RBMS3: variants seen among roughly 807,000 people sequenced by gnomAD.
The protein encoded by RBMS3 is RNA binding motif single stranded interacting protein 3, also known as RNA-binding motif, single-stranded-interacting protein 3.
A neutral mutation model predicts 66.8 loss-of-function variants in RBMS3; 27 were observed. The ratio of observed to expected loss-of-function variants is 0.40; its 90% confidence interval spans 0.30 to 0.56. RBMS3 has a LOEUF of 0.56. Ranked by LOEUF, RBMS3 falls within the 20% of genes least tolerant of loss-of-function variation. The pLI, the probability that RBMS3 is intolerant of heterozygous loss-of-function variation, is 0.40. For synonymous variants in RBMS3, 188 were observed against 183.0 expected (o/e 1.03, Z -0.22); for missense variants, 513 against 549.5 (o/e 0.93, Z 0.66).
chr3:29,376,608 T>TA (rs775941296), intron 1 of RBMS3, among the ~76,000 whole-genome samples: 5 of 151,338 alleles, frequency 3.3e-5, no homozygotes, highest in Non-Finnish European at 5.9e-5. Context: ...TCGTCTCTAC[T>TA]AAAAAATACA....
At chr3:29,794,478 C>T (rs539287678) in intron 6 of RBMS3, among the ~76,000 whole-genome samples, 2 of 151,930 alleles carry the variant, frequency 1.3e-5, no homozygotes, top group Admixed American at 6.6e-5. Context: ...CCCAGCTACT[C>T]GGGAGGCTGA....
chr3:29,640,660 A>G (rs1234742302), intron 4 of RBMS3, among the ~76,000 whole-genome samples: 1 of 152,028 alleles, frequency 6.6e-6, no homozygotes, highest in Non-Finnish European at 1.5e-5. Flanking sequence ...TAATGATTTT[A>G]CATTCATCTG....
chr3:29,789,816 T>C (rs1263512313), intron 6 of RBMS3, among the ~76,000 whole-genome samples: 2 of 152,226 alleles, frequency 1.3e-5, no homozygotes, highest in African/African-American at 2.4e-5. Flanking sequence ...GAGGAACATA[T>C]GATTTTCTGG....
intron 1 of RBMS3, among the ~76,000 whole-genome samples, chr3:29,291,888 G>A (rs2032847384): frequency 6.6e-6 from 1 of 151,746 alleles, no homozygotes; most frequent in African/African-American, 2.4e-5. Context: ...CCAGCCATAA[G>A]CCAAGTGTGA....
chr3:29,540,325 G>C (rs1223062799), intron 3 of RBMS3, among the ~76,000 whole-genome samples: 1 of 152,006 alleles, frequency 6.6e-6, no homozygotes, highest in Non-Finnish European at 1.5e-5. Context: ...TTTAAAATTT[G>C]TTTATATTTC....
intron 6 of RBMS3, among the ~76,000 whole-genome samples, chr3:29,770,829 C>A (rs1292119264): frequency 6.6e-6 from 1 of 151,884 alleles, no homozygotes; most frequent in Non-Finnish European, 1.5e-5. Context: ...CCAGGGAAAC[C>A]AAATTGAATA....
chr3:29,878,074 ATTAG>A (rs950742622), intron 7 of RBMS3, among the ~76,000 whole-genome samples: 2 of 152,052 alleles, frequency 1.3e-5, no homozygotes, highest in African/African-American at 4.8e-5. Flanking sequence ...ATCGTCAGGC[ATTAG>A]TTAGATTCTC....
At chr3:29,299,866 A>T (rs977541146) in intron 1 of RBMS3, among the ~76,000 whole-genome samples, 1 of 151,882 alleles carries the variant, frequency 6.6e-6, no homozygotes, top group Non-Finnish European at 1.5e-5. Context: ...ATAGCAGAAA[A>T]CCTACTACAA....
chr3:29,816,428 C>A lies in RBMS3; in HGVS notation c.638-52430C>A, dbSNP rs180784966. On this transcript the variant is annotated intron_variant, in intron 6 of 14. Coordinates refer to ENST00000383767, the MANE Select transcript of RBMS3 (RefSeq NM_001003793.3). Reference sequence around the variant, plus strand: ...CTGGGAAATGTAATCTGGTTGTATGCCCAAGAGAAACACAACACAGATGTT... The same window carrying A: ...CTGGGAAATGTAATCTGGTTGTATGACCAAGAGAAACACAACACAGATGTT... 2.0e-5 allele frequency among the ~76,000 whole-genome samples: 3 copies of A among 152,086 alleles called. No individual in the cohort carries two copies. In the East Asian group the frequency reaches 5.8e-4, roughly 29 times the overall value.
chr3:29,361,741 T>C (rs548655190), intron 1 of RBMS3, among the ~76,000 whole-genome samples: 1 of 152,214 alleles, frequency 6.6e-6, no homozygotes, highest in South Asian at 2.1e-4. Flanking sequence ...GAGGCTTTGC[T>C]TATTTCTTTT....
chr3:29,902,122 G>C (rs1448498959), intron 10 of RBMS3, among the ~76,000 whole-genome samples: 1 of 151,800 alleles, frequency 6.6e-6, no homozygotes, highest in Non-Finnish European at 1.5e-5. Flanking sequence ...CATTAGGACA[G>C]GAAACCCATT....
chr3:29,820,495 T>A (rs1393523686), intron 6 of RBMS3, among the ~76,000 whole-genome samples: 3 of 152,090 alleles, frequency 2.0e-5, no homozygotes, highest in Non-Finnish European at 4.4e-5. Flanking sequence ...TTATATGCTT[T>A]AACTTTGTTT....
chr3:29,884,452 CTCTCTCTCTCTCTCT>C (rs2059814092), intron 8 of RBMS3, among the ~76,000 whole-genome samples: 7 of 134,382 alleles, frequency 5.2e-5, no homozygotes, highest in Admixed American at 7.6e-5. Context: ...CTCTCTCTCT[CTCTCTCTCTCTCTCT>C]CTCCCCCCCC....
At chr3:29,575,684 A>C (rs189228713) in intron 3 of RBMS3, among the ~76,000 whole-genome samples, 1 of 151,874 alleles carries the variant, frequency 6.6e-6, no homozygotes, top group African/African-American at 2.4e-5. Flanking sequence ...AGCATGCTTC[A>C]TTGCTTTCTA....
At chr3:29,866,674 T>A (rs1225894869) in intron 6 of RBMS3, among the ~76,000 whole-genome samples, 1 of 152,196 alleles carries the variant, frequency 6.6e-6, no homozygotes, top group African/African-American at 2.4e-5. Flanking sequence ...GATGCAATGA[T>A]TGCATTTAGC....
intron 3 of RBMS3, among the ~76,000 whole-genome samples, chr3:29,531,945 G>T (rs544465611): frequency 6.6e-6 from 1 of 151,962 alleles, no homozygotes; most frequent in African/African-American, 2.4e-5. Context: ...TCATCTAGGA[G>T]CCTGACTGAC....
intron 4 of RBMS3, among the ~76,000 whole-genome samples, chr3:29,674,947 G>A (rs1386020975): frequency 3.9e-5 from 6 of 152,092 alleles, no homozygotes; most frequent in Admixed American, 1.3e-4. Context: ...CATTGCCAAG[G>A]CAATCCTAAG....
intron 1 of RBMS3, among the ~76,000 whole-genome samples, chr3:29,425,628 A>T (rs1470200517): frequency 6.6e-6 from 1 of 152,048 alleles, no homozygotes; most frequent in Non-Finnish European, 1.5e-5. Flanking sequence ...ACAGAGCAAG[A>T]CTCTGTCTCA....
chr3:29,285,345 G>A (rs866525252), intron 1 of RBMS3, among the ~76,000 whole-genome samples: 6 of 151,722 alleles, frequency 4.0e-5, no homozygotes, highest in South Asian at 4.2e-4. Flanking sequence ...GTTACAGCCC[G>A]GTGAATTGAT....
Sources: allele counts gnomAD v4.1 joint callset (sites outside exome capture counted in the v4.1 genomes callset), GRCh38; gene constraint gnomAD v4.1.1; transcripts MANE v1.5; gene names NCBI Gene and HGNC (gene_info 2026-07-23, HGNC 2026-07-21).